The following RHOT1 variants were observed in gnomAD, a reference collection of about 807,000 sequenced individuals.
The protein encoded by RHOT1 is mitochondrial Rho GTPase 1.
Under a neutral mutation model 95.3 loss-of-function variants are expected in RHOT1, and 27 were observed. The ratio of observed to expected loss-of-function variants is 0.28; its 90% CI spans 0.21 to 0.39. RHOT1 has a LOEUF of 0.39. Among genes scored for constraint, RHOT1 ranks in the 10% least tolerant of loss-of-function variants. RHOT1 has a pLI of 1.00. For synonymous variants in RHOT1, 227 were observed against 263.5 expected (o/e 0.86, Z 1.34); for missense variants, 578 against 786.7 (o/e 0.73, Z 3.17).
At chr17:32,142,793 G>T (rs2030562036) in intron 1 of RHOT1, 64 bp downstream of exon 1, 2 of 1,321,728 alleles carry the variant, frequency 1.5e-6, no homozygotes, top group East Asian at 2.5e-5. Flanking sequence ...AGCCCCTGTC[G>T]CCCCTGTCGC....
At chr17:32,173,940 G>A (rs2034789218) in intron 3 of RHOT1, 28 bp downstream of exon 3, 1 of 1,447,084 alleles carries the variant, frequency 6.9e-7, no homozygotes, top group African/African-American at 1.4e-5. Flanking sequence ...GTAGATGAAG[G>A]TGTAGGTTAA....
At chr17:32,158,849 G>A (rs77956685) in intron 1 of RHOT1, among the ~76,000 whole-genome samples, 2,723 of 152,306 alleles carry the variant, frequency 0.018, 36 homozygotes, top group South Asian at 0.042. Context: ...TACCAACTGA[G>A]TGTCATACAA....
chr17:32,215,967 G>C lies in RHOT1; in HGVS notation c.1862+4729G>C, dbSNP rs140095411. On this transcript the variant is annotated intron_variant, in intron 19 of 19. Coordinates refer to ENST00000545287, the MANE Select transcript of RHOT1 (RefSeq NM_001033566.3). ...GTGGTCAGATGATTTTAATCTTTGG[G>C]ACTGCTTTCATTTCAAGTGGTATAA... Among the ~76,000 whole-genome samples the C allele has an allele frequency of 3.0e-3, 461 of 152,180 alleles. 3 individuals carry two copies. Among genetic ancestry groups the C allele is most frequent in the African/African-American group, 0.011 (443 of 41,538 alleles).
chr17:32,207,004 T>G lies in RHOT1; in HGVS notation c.1511T>G (p.Phe504Cys). The change falls in exon 17 of 20, where the codon TTT becomes TGT. Residue 504 changes from phenylalanine to cysteine, a missense_variant. This residue lies in a region of RHOT1 where 296 missense variants were observed against 338.5 expected (regional missense o/e 0.87). Coordinates refer to ENST00000545287, the MANE Select transcript of RHOT1 (RefSeq NM_001033566.3). The stretch of plus-strand genomic sequence containing the variant: ...TATGATGTCAGCAATCCCAAATCCT[T>G]TGAATACTGTGCCAGGATTTTTAAG... ...LVYDVSNPKS[F>C]EYCARIFKQH... 1 of 1,612,172 alleles carries G rather than the reference T, an allele frequency of 6.2e-7. No individual in the cohort carries two copies. Among genetic ancestry groups the G allele is most frequent in the Non-Finnish European group, 8.5e-7 (1 of 1,179,292 alleles).
At chr17:32,220,591 T>G (rs1267783041) in intron 19 of RHOT1, among the ~76,000 whole-genome samples, 1 of 151,996 alleles carries the variant, frequency 6.6e-6, no homozygotes, top group African/African-American at 2.4e-5. Flanking sequence ...TCCCAGCACT[T>G]TGGGAGGCTG....
At chr17:32,164,709 C>G (rs1012976957) in intron 1 of RHOT1, among the ~76,000 whole-genome samples, 1 of 140,584 alleles carries the variant, frequency 7.1e-6, no homozygotes, top group Non-Finnish European at 1.5e-5. Context: ...ACTAAAAATA[C>G]AAAAAATTAG....
chr17:32,197,851 G>A (rs887644935), intron 11 of RHOT1, among the ~76,000 whole-genome samples: 16 of 152,158 alleles, frequency 1.1e-4, no homozygotes, highest in African/African-American at 3.1e-4. Context: ...GGGATTACAG[G>A]CGTGAGCCAC....
chr17:32,214,568 C>G (rs1006026069), intron 19 of RHOT1, among the ~76,000 whole-genome samples: 1 of 152,276 alleles, frequency 6.6e-6, no homozygotes, highest in East Asian at 1.9e-4. Flanking sequence ...ACCACCACCA[C>G]CACTTTACTC....
intron 1 of RHOT1, among the ~76,000 whole-genome samples, chr17:32,149,615 ATATATATATATATATATATATG>A (rs1362450152): frequency 5.9e-5 from 5 of 84,106 alleles, no homozygotes; most frequent in South Asian, 4.0e-4. Context: ...ATATATATAT[ATATATATATATATATATATATG>A]TGTGTGTGTG....
intron 8 of RHOT1, among the ~76,000 whole-genome samples, chr17:32,187,937 A>C (rs549746101): frequency 6.6e-6 from 1 of 152,184 alleles, no homozygotes; most frequent in African/African-American, 2.4e-5. Flanking sequence ...ATTACATTCA[A>C]ATTTTATCAT....
chr17:32,173,245 A>G (rs2034722003), intron 2 of RHOT1, among the ~76,000 whole-genome samples: 2 of 152,208 alleles, frequency 1.3e-5, no homozygotes, highest in African/African-American at 4.8e-5. Flanking sequence ...AGCATCCTTT[A>G]TCCAAAATGC....
intron 19 of RHOT1, among the ~76,000 whole-genome samples, chr17:32,220,003 A>C (rs925786760): frequency 3.9e-5 from 6 of 152,224 alleles, no homozygotes; most frequent in Non-Finnish European, 8.8e-5. Context: ...TAATTCTGGA[A>C]AGTCTATCTT....
intron 6 of RHOT1, 143 bp from the exon 7 acceptor site, chr17:32,182,614 G>A (rs1164886517): frequency 1.0e-5 from 6 of 575,518 alleles, no homozygotes; most frequent in African/African-American, 9.7e-5. Flanking sequence ...TATCTAGGGG[G>A]CTCAACCTGA....
chr17:32,164,730 A>G (rs2033888630), intron 1 of RHOT1, among the ~76,000 whole-genome samples: 1 of 147,746 alleles, frequency 6.8e-6, no homozygotes. Context: ...CCAGGTATAT[A>G]GTAGTGCACA....
intron 1 of RHOT1, among the ~76,000 whole-genome samples, chr17:32,168,357 A>G (rs972691968): frequency 3.3e-5 from 5 of 151,736 alleles, no homozygotes; most frequent in East Asian, 1.9e-4. Flanking sequence ...GTGGCCTCCA[A>G]CTCCTGGGCT....
chr17:32,197,642 A>G (rs1027501385), intron 11 of RHOT1, among the ~76,000 whole-genome samples: 3 of 151,876 alleles, frequency 2.0e-5, no homozygotes, highest in African/African-American at 7.2e-5. Flanking sequence ...GTTGTCCAGG[A>G]TGGTCTCAAT....
At chr17:32,162,274 CATT>C (rs965939474) in intron 1 of RHOT1, among the ~76,000 whole-genome samples, 1 of 152,122 alleles carries the variant, frequency 6.6e-6, no homozygotes, top group African/African-American at 2.4e-5. Context: ...GAAAGGGACT[CATT>C]ATTCATAATA....
intron 6 of RHOT1, among the ~76,000 whole-genome samples, chr17:32,181,415 A>G (rs1386415470): frequency 6.6e-6 from 1 of 152,160 alleles, no homozygotes; most frequent in African/African-American, 2.4e-5. Context: ...CTCAATCTTC[A>G]CATCTAACCT....
At chr17:32,175,413 G>C in intron 4 of RHOT1, 51 bp downstream of exon 4, 1 of 1,459,306 alleles carries the variant, frequency 6.9e-7, no homozygotes, top group Non-Finnish European at 9.6e-7. Context: ...AAACAGTGAT[G>C]ATTTTATGAG....
Sources: gnomAD v4.1 joint callset for allele counts (sites outside exome capture counted in the v4.1 genomes callset) on GRCh38, gnomAD v4.1.1 for gene constraint, gnomAD v4.1.1 regional missense constraint, MANE v1.5 for transcripts, NCBI Gene and HGNC (gene_info 2026-07-23, HGNC 2026-07-21) for gene names.